Variants in NCOA3 observed in about 807,000 individuals in gnomAD.
NCOA3 encodes the protein nuclear receptor coactivator 3.
In NCOA3, 51 loss-of-function variants were observed where a neutral mutation model predicts 158.8. The observed-to-expected ratio is 0.32, with a 90% CI of 0.26 to 0.41. The LOEUF (loss-of-function observed/expected upper bound fraction) is 0.41, where lower values mean the gene tolerates loss of function less well. NCOA3 is among the 10% of genes least tolerant of loss of function. The pLI is 1.00. For missense variants in NCOA3, 1,510 were observed against 1,746.6 expected, an observed-to-expected ratio of 0.86 and a Z score of 2.41; for synonymous variants, 537 against 592.4, an observed-to-expected ratio of 0.91 and a Z score of 1.36.
At chr20:47,520,681 C>T (rs986481399) in intron 1 of NCOA3, among the ~76,000 whole-genome samples, 2 of 152,106 alleles carry the variant, frequency 1.3e-5, no homozygotes, top group African/African-American at 4.8e-5. Context: ...CTTGCCTGCC[C>T]TGGAAGGCTC....
intron 1 of NCOA3, among the ~76,000 whole-genome samples, chr20:47,565,874 C>A (rs1272985422): frequency 6.6e-6 from 1 of 152,114 alleles, no homozygotes; most frequent in African/African-American, 2.4e-5. Flanking sequence ...TCTTATACTT[C>A]CTAAAAGTGA....
intron 1 of NCOA3, among the ~76,000 whole-genome samples, chr20:47,526,128 G>A (rs1311514598): frequency 1.3e-5 from 2 of 150,862 alleles, no homozygotes; most frequent in Non-Finnish European, 3.0e-5. Context: ...GGACGGGGCG[G>A]CAGGGCAGAG....
At chr20:47,563,596 C>G (rs1302897473) in intron 1 of NCOA3, among the ~76,000 whole-genome samples, 1 of 152,082 alleles carries the variant, frequency 6.6e-6, no homozygotes, top group Non-Finnish European at 1.5e-5. Context: ...GTTTAAGTGG[C>G]TGAGGCATGG....
In NCOA3 at chr20:47,656,686, T is replaced by G. The variant is rs2086881473; in HGVS notation, c.*3269T>G. Reference sequence around the variant, plus strand: ...GAGCAATATTTAAATTCTCAGGAATTGACTTATACTCTTGAGAATGAATTC... The same window carrying G: ...GAGCAATATTTAAATTCTCAGGAATGGACTTATACTCTTGAGAATGAATTC... On this transcript the variant is annotated 3_prime_UTR_variant, in exon 23 of 23. Coordinates refer to ENST00000371998, the MANE Select transcript of NCOA3 (RefSeq NM_181659.3). 1 of 152,634 alleles carries G rather than the reference T, an allele frequency of 6.6e-6. No individual in the cohort carries two copies. The highest frequency in any genetic ancestry group is 1.5e-5 in the Non-Finnish European group (1 of 68,036). 9.5% of individuals were successfully genotyped at this position (152,634 alleles called of 1,614,324 possible).
At chr20:47,541,724 T>A (rs1427011332) in intron 1 of NCOA3, among the ~76,000 whole-genome samples, 5 of 151,442 alleles carry the variant, frequency 3.3e-5, no homozygotes, top group African/African-American at 1.2e-4. Flanking sequence ...ATACTAGACA[T>A]TATATAATTT....
chr20:47,591,264 A>G (rs1262885973), intron 2 of NCOA3, among the ~76,000 whole-genome samples: 1 of 152,232 alleles, frequency 6.6e-6, no homozygotes, highest in Non-Finnish European at 1.5e-5. Context: ...GTCTGCTTAG[A>G]TGTTTAAGAT....
At chr20:47,556,182 G>C (rs1381410547) in intron 1 of NCOA3, among the ~76,000 whole-genome samples, 1 of 151,988 alleles carries the variant, frequency 6.6e-6, no homozygotes, top group African/African-American at 2.4e-5. Flanking sequence ...CATTCCACCC[G>C]CCTTGGCCTC....
intron 1 of NCOA3, among the ~76,000 whole-genome samples, chr20:47,536,503 A>T (rs372716523): frequency 1.3e-5 from 2 of 152,222 alleles, no homozygotes; most frequent in Non-Finnish European, 2.9e-5. Flanking sequence ...TGCAGACAAT[A>T]TATCCTATAC....
intron 1 of NCOA3, among the ~76,000 whole-genome samples, chr20:47,570,949 C>T (rs796363973): frequency 0.032 from 4,461 of 138,828 alleles, 148 homozygotes; most frequent in Middle Eastern, 0.097. Flanking sequence ...TACACACACA[C>T]ACACACACAC....
chr20:47,588,438 A>G (rs1165682793), intron 2 of NCOA3, among the ~76,000 whole-genome samples: 1 of 151,764 alleles, frequency 6.6e-6, no homozygotes, highest in Non-Finnish European at 1.5e-5. Flanking sequence ...CCCGACCTCC[A>G]CCCCACTTTT....
Position 47,639,055 on chromosome 20 carries a change from C to G in NCOA3, c.2560C>G (p.Arg854Gly). 6.2e-7 allele frequency: 1 copy of G among 1,614,094 alleles called. No homozygotes were observed. Among genetic ancestry groups the G allele is most frequent in the Non-Finnish European group, 8.5e-7 (1 of 1,180,014 alleles). Residue 854 changes from arginine to glycine, a missense_variant, in exon 14 of 23, where the codon CGA (arginine) becomes GGA (glycine). Arg to Gly is a moderately radical substitution (Grantham distance 125). This residue lies in a region of NCOA3 where 1,017 missense variants were observed against 1,098.3 expected (regional missense o/e 0.93). Coordinates refer to ENST00000371998, the MANE Select transcript of NCOA3 (RefSeq NM_181659.3). Reference protein sequence around the residue: ...SVQSIRPPYNRAVSLDSPVSV... With the variant: ...SVQSIRPPYNGAVSLDSPVSV... ...GCAGTCTATTCGTCCTCCATATAAC[C>G]GAGCAGTGTCTCTGGATAGCCCTGT...
chr20:47,578,861 T>C (rs1205811707), intron 1 of NCOA3, among the ~76,000 whole-genome samples: 3 of 149,818 alleles, frequency 2.0e-5, no homozygotes, highest in African/African-American at 5.1e-5. Flanking sequence ...GAAAGAACAA[T>C]GGGTTTAATA....
intron 1 of NCOA3, among the ~76,000 whole-genome samples, chr20:47,557,555 A>G (rs574423606): frequency 1.3e-5 from 2 of 152,308 alleles, no homozygotes; most frequent in South Asian, 4.1e-4. Flanking sequence ...TAATATTGAG[A>G]GGACCATCTG....
chr20:47,550,590 A>G (rs1310944891), intron 1 of NCOA3, among the ~76,000 whole-genome samples: 1 of 152,162 alleles, frequency 6.6e-6, no homozygotes, highest in Non-Finnish European at 1.5e-5. Flanking sequence ...TTTCATCAGA[A>G]TTGAGGTGGA....
intron 2 of NCOA3, among the ~76,000 whole-genome samples, chr20:47,595,266 T>A (rs554361655): frequency 6.6e-6 from 1 of 152,060 alleles, no homozygotes; most frequent in South Asian, 2.1e-4. Flanking sequence ...GCCCAGCTAA[T>A]TTTTTATTTT....
rs148454812 is a variant in NCOA3 at position 47,524,795 on chromosome 20, T to G, written c.-99+22776T>G. Among the ~76,000 whole-genome samples, 1,157 of 152,236 alleles carry G rather than the reference T, an allele frequency of 7.6e-3. 20 individuals carry two copies. Among genetic ancestry groups the G allele is most frequent in the African/African-American group, 0.027 (1,119 of 41,530 alleles). ...TCTTGCTCTGTTGCCCAGGCTGGAG[T>G]GCAGTGGCACAATCTCGGCTCCCTG... is the stretch of plus-strand genomic sequence containing the variant. On this transcript the variant is annotated intron_variant, in intron 1 of 22. Coordinates refer to ENST00000371998, the MANE Select transcript of NCOA3 (RefSeq NM_181659.3).
intron 1 of NCOA3, among the ~76,000 whole-genome samples, chr20:47,553,225 G>A (rs1419602838): frequency 5.9e-5 from 9 of 152,054 alleles, no homozygotes; most frequent in Non-Finnish European, 1.0e-4. Flanking sequence ...GTGAGCCACC[G>A]TGCCTGGCCT....
intron 16 of NCOA3, 148 bp from the exon 17 acceptor site, chr20:47,642,065 A>T: frequency 1.6e-6 from 1 of 643,794 alleles, no homozygotes; most frequent in Non-Finnish European, 2.5e-6. Flanking sequence ...AATTGATGCC[A>T]TTCACTCTTT....
At chr20:47,569,914 G>T (rs368288791) in intron 1 of NCOA3, among the ~76,000 whole-genome samples, 2 of 151,962 alleles carry the variant, frequency 1.3e-5, no homozygotes, top group South Asian at 4.1e-4. Flanking sequence ...GGAGGCTGAG[G>T]CAGGAGAATG....
Sources: allele counts gnomAD v4.1 joint callset (sites outside exome capture counted in the v4.1 genomes callset), GRCh38; gene constraint gnomAD v4.1.1; regional missense constraint gnomAD v4.1.1; transcripts MANE v1.5; gene names NCBI Gene and HGNC (gene_info 2026-07-23, HGNC 2026-07-21).